The following FGF12 variants were observed in gnomAD, a reference collection of about 807,000 sequenced individuals.
FGF12 encodes the protein fibroblast growth factor 12B.
Under a neutral mutation model 23.6 loss-of-function variants are expected in FGF12, and 14 were observed. That is an observed-to-expected ratio of 0.59 (90% confidence interval 0.39 to 0.93). The LOEUF is 0.93. FGF12 is among the 40% of genes least tolerant of loss of function. The pLI, the probability that FGF12 is intolerant of heterozygous loss-of-function variation, is 0.00. For missense variants in FGF12, 175 were observed against 217.8 expected (o/e 0.80, Z 1.24); for synonymous variants, 62 against 77.3 (o/e 0.80, Z 1.04).
At chr3:192,624,169 G>C (rs376457083) in intron 2 of FGF12, among the ~76,000 whole-genome samples, 20 of 151,934 alleles carry the variant, frequency 1.3e-4, no homozygotes, top group African/African-American at 4.8e-4. Flanking sequence ...ATACAACCCA[G>C]TAGCAAATGC....
At chr3:192,626,400 T>A (rs1335717395) in intron 2 of FGF12, among the ~76,000 whole-genome samples, 1 of 152,146 alleles carries the variant, frequency 6.6e-6, no homozygotes, top group East Asian at 1.9e-4. Context: ...ATAGTTAAAA[T>A]TAAAAATTAA....
intron 2 of FGF12, among the ~76,000 whole-genome samples, chr3:192,465,585 G>C (rs1009799150): frequency 1.3e-5 from 2 of 151,696 alleles, no homozygotes; most frequent in African/African-American, 4.9e-5. Flanking sequence ...TTCTCTCTCT[G>C]ATAAAGATGG....
chr3:192,248,146 G>C (rs1711751802), intron 4 of FGF12, among the ~76,000 whole-genome samples: 1 of 152,112 alleles, frequency 6.6e-6, no homozygotes, highest in African/African-American at 2.4e-5. Flanking sequence ...CAAACCATTA[G>C]TTATAATACA....
chr3:192,405,997 T>C (rs1167104106), intron 2 of FGF12, among the ~76,000 whole-genome samples: 2 of 152,180 alleles, frequency 1.3e-5, no homozygotes, highest in Non-Finnish European at 2.9e-5. Flanking sequence ...CAGATTGTTA[T>C]TTTGACACTT....
chr3:192,461,287 G>A (rs1452793328), intron 2 of FGF12, among the ~76,000 whole-genome samples: 2 of 152,134 alleles, frequency 1.3e-5, no homozygotes, highest in Admixed American at 1.3e-4. Context: ...TCAGGCTTGA[G>A]ATCATCAAAA....
At chr3:192,224,833 T>G (rs1334426560) in intron 4 of FGF12, among the ~76,000 whole-genome samples, 1 of 152,166 alleles carries the variant, frequency 6.6e-6, no homozygotes, top group Non-Finnish European at 1.5e-5. Flanking sequence ...CCACTGAGAT[T>G]CTTGCAGTGA....
chr3:192,549,363 C>T (rs1725572749), intron 2 of FGF12, among the ~76,000 whole-genome samples: 1 of 152,050 alleles, frequency 6.6e-6, no homozygotes, highest in African/African-American at 2.4e-5. Flanking sequence ...CAATAATGTC[C>T]AAGCTCCTGG....
chr3:192,655,949 A>G (rs1247094538), intron 2 of FGF12, among the ~76,000 whole-genome samples: 1 of 149,680 alleles, frequency 6.7e-6, no homozygotes, highest in African/African-American at 2.5e-5. Flanking sequence ...TTGGGACTGG[A>G]GGGGAAGAAT....
intron 2 of FGF12, among the ~76,000 whole-genome samples, chr3:192,572,243 T>G (rs1321399632): frequency 1.3e-5 from 2 of 152,174 alleles, no homozygotes; most frequent in African/African-American, 4.8e-5. Context: ...TCCAGGAACA[T>G]AAAACTGACA....
chr3:192,302,411 T>C (rs1715397559), intron 4 of FGF12, among the ~76,000 whole-genome samples: 1 of 152,190 alleles, frequency 6.6e-6, no homozygotes, highest in African/African-American at 2.4e-5. Flanking sequence ...GTGGGATTTC[T>C]CCCCCTTTTA....
chr3:192,350,575 G>A (rs1046514870), intron 3 of FGF12, among the ~76,000 whole-genome samples: 1 of 152,134 alleles, frequency 6.6e-6, no homozygotes. Flanking sequence ...TGAAGATTAT[G>A]AGGGATTGAG....
intron 3 of FGF12, among the ~76,000 whole-genome samples, chr3:192,345,320 G>A (rs1043967880): frequency 6.6e-6 from 1 of 152,212 alleles, no homozygotes; most frequent in African/African-American, 2.4e-5. Context: ...AGGTTATAAA[G>A]TCAGCTAGTG....
At chr3:192,263,468 C>T (rs1712885473) in intron 4 of FGF12, among the ~76,000 whole-genome samples, 1 of 150,750 alleles carries the variant, frequency 6.6e-6, no homozygotes, top group Non-Finnish European at 1.5e-5. Flanking sequence ...TTGAGAAGTG[C>T]TAATTTATAC....
chr3:192,534,527 A>T (rs1354139321), intron 2 of FGF12, among the ~76,000 whole-genome samples: 1 of 151,884 alleles, frequency 6.6e-6, no homozygotes, highest in Non-Finnish European at 1.5e-5. Context: ...TCCCAAGTAG[A>T]TGGGACTATA....
intron 2 of FGF12, among the ~76,000 whole-genome samples, chr3:192,557,127 T>C (rs1360169380): frequency 3.3e-5 from 5 of 151,722 alleles, no homozygotes; most frequent in East Asian, 1.9e-4. Flanking sequence ...AAAACCTTAA[T>C]GGTATACCTG....
intron 2 of FGF12, among the ~76,000 whole-genome samples, chr3:192,617,537 G>A (rs1714806341): frequency 6.6e-6 from 1 of 152,110 alleles, no homozygotes; most frequent in Non-Finnish European, 1.5e-5. Context: ...TGAAATTGGT[G>A]TTATAAGAAT....
chr3:192,523,050 CAT>C (rs1339393716), intron 2 of FGF12, among the ~76,000 whole-genome samples: 3 of 152,250 alleles, frequency 2.0e-5, no homozygotes, highest in South Asian at 4.1e-4. Flanking sequence ...AAATAAATAA[CAT>C]ATTACAACAA....
intron 2 of FGF12, among the ~76,000 whole-genome samples, chr3:192,598,098 C>T (rs1713940150): frequency 6.6e-6 from 1 of 152,160 alleles, no homozygotes; most frequent in Non-Finnish European, 1.5e-5. Flanking sequence ...TGCAGTAGCT[C>T]TTCTGTGATT....
intron 2 of FGF12, among the ~76,000 whole-genome samples, chr3:192,586,941 G>C (rs1174599081): frequency 6.6e-6 from 1 of 152,072 alleles, no homozygotes; most frequent in Non-Finnish European, 1.5e-5. Context: ...TTCCCCCTGT[G>C]TCTCTACATT....
Sources: allele counts gnomAD v4.1 joint callset (sites outside exome capture counted in the v4.1 genomes callset), GRCh38; gene constraint gnomAD v4.1.1; transcripts MANE v1.5; gene names NCBI Gene and HGNC (gene_info 2026-07-23, HGNC 2026-07-21).